The following RALGAPA1 variants were observed in gnomAD, a reference collection of about 807,000 sequenced individuals.
The protein encoded by RALGAPA1 is ral GTPase-activating protein subunit alpha-1.
A neutral mutation model predicts 269.6 loss-of-function variants in RALGAPA1; 52 were observed. The observed-to-expected ratio is 0.19, with a 90% CI of 0.15 to 0.24. RALGAPA1 has a LOEUF of 0.24. Ranked by LOEUF, RALGAPA1 falls within the 10% of genes least tolerant of loss-of-function variation. RALGAPA1 has a pLI of 1.00. For synonymous variants in RALGAPA1, 817 were observed against 1,008.3 expected, an observed-to-expected ratio of 0.81 and a Z score of 3.60; for missense variants, 1,917 against 3,013.9, an observed-to-expected ratio of 0.64 and a Z score of 8.52.
chr14:35,653,519 GAAC>G (rs1342280775), intron 30 of RALGAPA1, among the ~76,000 whole-genome samples: 2 of 152,188 alleles, frequency 1.3e-5, no homozygotes, highest in African/African-American at 4.8e-5. Context: ...TCAGTTGCCT[GAAC>G]AACATGGCAT....
At chr14:35,772,404 T>C (rs1173564293) in intron 3 of RALGAPA1, among the ~76,000 whole-genome samples, 2 of 152,194 alleles carry the variant, frequency 1.3e-5, no homozygotes, top group African/African-American at 4.8e-5. Context: ...AGCTAACATA[T>C]ATAGGTTTCC....
At chr14:35,583,129 T>C (rs1021222783) in intron 37 of RALGAPA1, among the ~76,000 whole-genome samples, 1 of 152,204 alleles carries the variant, frequency 6.6e-6, no homozygotes, top group African/African-American at 2.4e-5. Flanking sequence ...GAGTCAGATG[T>C]GGCAGAGATG....
At chr14:35,654,245 TG>T in intron 30 of RALGAPA1, 121 bp downstream of exon 30, 1 of 971,616 alleles carries the variant, frequency 1.0e-6, no homozygotes, top group Non-Finnish European at 1.4e-6. Context: ...AAAAGCATGA[TG>T]GGTAGCCATT....
chr14:35,622,582 T>G (rs1462683909), intron 35 of RALGAPA1, among the ~76,000 whole-genome samples: 2 of 152,126 alleles, frequency 1.3e-5, no homozygotes. Flanking sequence ...ATAAAAATGA[T>G]AGACAAAGCA....
intron 33 of RALGAPA1, among the ~76,000 whole-genome samples, chr14:35,630,028 A>C (rs1486745911): frequency 1.3e-5 from 2 of 152,238 alleles, no homozygotes; most frequent in Non-Finnish European, 2.9e-5. Context: ...ACTTTAAAAG[A>C]GGCAAGAGAA....
chr14:35,639,519 C>T (rs1299829682), intron 31 of RALGAPA1, among the ~76,000 whole-genome samples: 2 of 151,828 alleles, frequency 1.3e-5, no homozygotes, highest in African/African-American at 4.8e-5. Flanking sequence ...ATATGTTAGG[C>T]CAAAAAATAA....
At chr14:35,796,113 G>A (rs1180081027) in intron 1 of RALGAPA1, among the ~76,000 whole-genome samples, 2 of 152,140 alleles carry the variant, frequency 1.3e-5, no homozygotes, top group Non-Finnish European at 2.9e-5. Flanking sequence ...AACTGAAAGA[G>A]ATGTCACAAT....
chr14:35,782,274 A>C (rs1282738281), intron 1 of RALGAPA1, among the ~76,000 whole-genome samples: 2 of 152,370 alleles, frequency 1.3e-5, no homozygotes, highest in South Asian at 2.1e-4. Flanking sequence ...AAGAAGTACA[A>C]GACTTGTACA....
intron 10 of RALGAPA1, among the ~76,000 whole-genome samples, chr14:35,745,467 T>C (rs533320583): frequency 6.6e-6 from 1 of 150,922 alleles, no homozygotes; most frequent in Non-Finnish European, 1.5e-5. Flanking sequence ...ATCCAGCCTT[T>C]AAAAAGCAGA....
intron 27 of RALGAPA1, among the ~76,000 whole-genome samples, chr14:35,659,666 C>T (rs1173691055): frequency 1.3e-5 from 2 of 151,260 alleles, no homozygotes; most frequent in African/African-American, 4.8e-5. Flanking sequence ...AAAGGCATTA[C>T]CAGAAAAAAA....
At chr14:35,593,450 G>T (rs2058751416) in intron 37 of RALGAPA1, among the ~76,000 whole-genome samples, 1 of 151,816 alleles carries the variant, frequency 6.6e-6, no homozygotes, top group Non-Finnish European at 1.5e-5. Flanking sequence ...AACTCCAATG[G>T]CATTTTTCAC....
intron 4 of RALGAPA1, among the ~76,000 whole-genome samples, chr14:35,764,385 C>T (rs1160412880): frequency 6.6e-6 from 1 of 151,856 alleles, no homozygotes; most frequent in African/African-American, 2.4e-5. Flanking sequence ...TACACCTGGC[C>T]TTCTTTATAT....
intron 16 of RALGAPA1, among the ~76,000 whole-genome samples, chr14:35,719,553 A>G (rs2069176143): frequency 6.6e-6 from 1 of 152,166 alleles, no homozygotes; most frequent in African/African-American, 2.4e-5. Context: ...ATGCTATGTA[A>G]AAGACTACAA....
chr14:35,569,648 G>T lies in RALGAPA1; in HGVS notation c.7496+969C>A, dbSNP rs145161573. Among the ~76,000 whole-genome samples the T allele has an allele frequency of 3.3e-3, 501 of 152,206 alleles. 4 individuals carry two copies. Among genetic ancestry groups the T allele is most frequent in the African/African-American group, 0.011 (474 of 41,516 alleles). On this transcript the variant is annotated intron_variant, in intron 39 of 41. Coordinates refer to ENST00000680220, the MANE Select transcript of RALGAPA1 (RefSeq NM_001346249.2). ...CTCATACCTCCATGTCTCTGATTAT[G>T]TTGTTCCCTCTGCTTGGAAGGCTCT...
Position 35,571,836 on chromosome 14 carries a change from G to A in RALGAPA1, c.7368+724C>T, listed in dbSNP as rs150332140. On this transcript the variant is annotated intron_variant, in intron 38 of 41. Coordinates refer to ENST00000680220, the MANE Select transcript of RALGAPA1 (RefSeq NM_001346249.2). The stretch of plus-strand genomic sequence containing the variant: ...TATGGGCCACAGTCTGCTGGCCTCT[G>A]GTTTAGGTGAACCCTGAAGAAACCT... Among the ~76,000 whole-genome samples, 70 of 152,290 alleles carry A rather than the reference G, an allele frequency of 4.6e-4. No homozygotes were observed. The East Asian group carries it at 8.7e-3, about 19-fold the overall frequency.
intron 3 of RALGAPA1, among the ~76,000 whole-genome samples, chr14:35,773,667 G>A (rs1441325436): frequency 1.3e-5 from 2 of 151,904 alleles, no homozygotes; most frequent in Non-Finnish European, 2.9e-5. Flanking sequence ...AAGCAACTAC[G>A]TTTCAATATT....
rs559051777 is a variant in RALGAPA1, at chr14:35,619,396, G to A, written c.6929+5965C>T. ...CACTAAATGCCCACAAGAGAAAGCAGGAAAGATCTAAAATCGACACCCTAA... is the reference window on the plus strand; with the variant it reads ...CACTAAATGCCCACAAGAGAAAGCAAGAAAGATCTAAAATCGACACCCTAA... On this transcript the variant is annotated intron_variant, in intron 35 of 41. Coordinates refer to ENST00000680220, the MANE Select transcript of RALGAPA1 (RefSeq NM_001346249.2). 4.6e-5 allele frequency among the ~76,000 whole-genome samples: 7 copies of A among 152,028 alleles called. No individual in the cohort carries two copies. The South Asian group carries it at 1.5e-3, about 32-fold the overall frequency.
intron 3 of RALGAPA1, among the ~76,000 whole-genome samples, chr14:35,772,104 G>A (rs189398767): frequency 6.6e-6 from 1 of 152,188 alleles, no homozygotes; most frequent in East Asian, 1.9e-4. Flanking sequence ...CACCCTGGCT[G>A]GAGTGCAGTG....
intron 33 of RALGAPA1, among the ~76,000 whole-genome samples, chr14:35,628,400 A>C (rs1422936947): frequency 1.3e-5 from 2 of 152,130 alleles, no homozygotes; most frequent in Non-Finnish European, 2.9e-5. Flanking sequence ...GTAATACTAA[A>C]ATTAGCCCAG....
Sources: gnomAD v4.1 joint callset for allele counts (sites outside exome capture counted in the v4.1 genomes callset) on GRCh38, gnomAD v4.1.1 for gene constraint, MANE v1.5 for transcripts, NCBI Gene and HGNC (gene_info 2026-07-23, HGNC 2026-07-21) for gene names.